The following ANKRD40 variants were observed in gnomAD, a reference collection of about 807,000 sequenced individuals.
The protein encoded by ANKRD40 is ankyrin repeat domain 40.
A neutral mutation model predicts 35.5 loss-of-function variants in ANKRD40; 24 were observed. The observed-to-expected ratio is 0.68, with a 90% CI of 0.49 to 0.95. The LOEUF is 0.95. ANKRD40 is among the 40% of genes least tolerant of loss of function. The pLI is 0.00. For missense variants in ANKRD40, 361 were observed against 436.0 expected (o/e 0.83, Z 1.53); for synonymous variants, 147 against 173.5 (o/e 0.85, Z 1.20).
At chr17:50,700,174 T>G (rs750596093) in intron 2 of ANKRD40, 4 of 302,826 alleles carry the variant, frequency 1.3e-5, no homozygotes, top group Non-Finnish European at 2.4e-5. Flanking sequence ...CCGGGAGCGG[T>G]GCCTCATGCC....
rs1263416667 is a variant in ANKRD40 at position 50,707,359 on chromosome 17, C to A, written c.134+162G>T. Among the ~76,000 whole-genome samples, 1 of 152,058 alleles carries A rather than the reference C, an allele frequency of 6.6e-6. No individual in the cohort carries two copies. The highest frequency in any genetic ancestry group is 2.1e-4 in the South Asian group (1 of 4,810). On this transcript the variant is annotated intron_variant, in intron 1 of 4. Transcript: ENST00000285243. This position sits in a 1 kb window ranked among gnomAD's most constrained non-coding sequence, Gnocchi z 4.8. ...AGGACGCGCTCCCGACCGCACGAGG[C>A]ATGGGGGCCAGGGCTGGCCTCAAGA...
At position 50,707,136 on chromosome 17, in the gene ANKRD40, A is replaced by G. The variant is rs577170138; in HGVS notation, c.134+385T>C. Among the ~76,000 whole-genome samples the G allele has an allele frequency of 6.6e-6, 1 of 152,254 alleles. No individual in the cohort carries two copies. The highest frequency in any genetic ancestry group is 2.4e-5 in the African/African-American group (1 of 41,554). ...CAGTTGCTTATGCTTTTAGCTCTGC[A>G]AGATGCGTTCTCCAGAAGCACCTAC... On this transcript the variant is annotated intron_variant, in intron 1 of 4. Transcript: ENST00000285243. This position sits in a 1 kb window ranked among gnomAD's most constrained non-coding sequence, Gnocchi z 4.8.
chr17:50,706,903 CAAAAAAAAA>C (rs35024672), intron 1 of ANKRD40, among the ~76,000 whole-genome samples: 101 of 37,984 alleles, frequency 2.7e-3, no homozygotes, highest in Middle Eastern at 0.029. Context: ...GACCCTGTCT[CAAAAAAAAA>C]AAAAAAAAAA....
At position 50,699,711 on chromosome 17, in the gene ANKRD40, G is replaced by C. The variant is rs755882699; in HGVS notation, c.466C>G (p.Pro156Ala). The C allele has an allele frequency of 3.1e-6, 5 of 1,613,716 alleles. No homozygotes were observed. The East Asian group carries it at 8.9e-5, about 29-fold the overall frequency. Residue 156 changes from proline to alanine, a missense_variant, in exon 3 of 5, where the codon CCT (proline) becomes GCT (alanine). By Grantham distance (27) the Pro-to-Ala change is conservative. This residue lies in a region of ANKRD40 where 172 missense variants were observed against 174.0 expected (regional missense o/e 0.99). Coordinates refer to ENST00000285243, the MANE Select transcript of ANKRD40 (RefSeq NM_052855.4). ...AGCAATGGAGGTGAGCCATCTGCAGGGGGTGATGCAGGGGGTGTGGAGGGG... is the reference window on the plus strand; with the variant it reads ...AGCAATGGAGGTGAGCCATCTGCAGCGGGTGATGCAGGGGGTGTGGAGGGG... The part of the protein sequence containing the change: ...GGPSTPPASP[P>A]ADGSPPLLPP...
In ANKRD40 at chr17:50,707,508, G is replaced by A; in HGVS notation, c.134+13C>T. The A allele has an allele frequency of 1.2e-6, 2 of 1,602,718 alleles. No homozygotes were observed. The highest frequency in any genetic ancestry group is 1.7e-6 in the Non-Finnish European group (2 of 1,174,472). On this transcript the variant is annotated intron_variant, in intron 1 of 4. Coordinates refer to ENST00000285243, the MANE Select transcript of ANKRD40 (RefSeq NM_052855.4). This position sits in a 1 kb window ranked among gnomAD's most constrained non-coding sequence, Gnocchi z 4.8. Reference sequence around the variant, plus strand: ...GCTGCCCTGACCCTAGGCCTCCCCCGCTCCCCACTTACCAGCCGTTGACCT... The same window carrying A: ...GCTGCCCTGACCCTAGGCCTCCCCCACTCCCCACTTACCAGCCGTTGACCT...
intron 1 of ANKRD40, 200 bp from the exon 2 acceptor site, chr17:50,700,916 G>T: frequency 2.1e-6 from 1 of 483,222 alleles, no homozygotes; most frequent in Non-Finnish European, 3.6e-6. Context: ...TTTCATTTCT[G>T]GCTCCTGAGA....
chr17:50,706,322 A>G (rs990623017), intron 1 of ANKRD40, among the ~76,000 whole-genome samples: 13 of 151,362 alleles, frequency 8.6e-5, no homozygotes, highest in African/African-American at 3.2e-4. Flanking sequence ...GGGTTTCATC[A>G]TGTTGGCCAG....
Position 50,696,051 on chromosome 17 carries a change from G to T in ANKRD40, c.1053C>A (p.Ser351=). ...ENNFLFRNAA[S]TLTERPCYNR... ...TATAGCAAGGCCTTTCAGTCAGTGT[G>T]GATGCAGCATTTCTGAACAGAAAAT... is the stretch of plus-strand genomic sequence containing the variant. Residue 351 remains serine (S), a synonymous_variant, in exon 5 of 5, where the codon TCC becomes TCA. Coordinates refer to ENST00000285243, the MANE Select transcript of ANKRD40 (RefSeq NM_052855.4). 1 of 1,614,160 alleles carries T rather than the reference G, an allele frequency of 6.2e-7. No homozygotes were observed. Among genetic ancestry groups the T allele is most frequent in the Non-Finnish European group, 8.5e-7 (1 of 1,180,014 alleles).
Position 50,705,420 on chromosome 17 carries a change from T to TAAA in ANKRD40, c.134+2098_134+2100dup, listed in dbSNP as rs11459587. On this transcript the variant is annotated intron_variant, in intron 1 of 4. Coordinates refer to ENST00000285243, the MANE Select transcript of ANKRD40 (RefSeq NM_052855.4). ...ACAACAGCAAGTTTGCAAAGACCTGTAAAAAAAAAAAAAAACAGAACAAAA... is the reference window on the plus strand; with the variant it reads ...ACAACAGCAAGTTTGCAAAGACCTGTAAAAAAAAAAAAAAAAAACAGAACAAAA... Among the ~76,000 whole-genome samples the TAAA allele has an allele frequency of 5.5e-4, 78 of 141,546 alleles. 1 individual carries two copies. The highest frequency in any genetic ancestry group is 7.8e-4 in the Admixed American group (11 of 14,020). The allele number at this position is 141,546 out of a possible 152,430, so 92.9% of individuals were successfully genotyped here. A position where few individuals can be genotyped will look rare whatever the true frequency, so the allele number is the denominator to read the frequency against.
rs185565763 is a variant in ANKRD40 at position 50,699,507 on chromosome 17, G to C, written c.670C>G (p.Pro224Ala). The C allele has an allele frequency of 1.9e-6, 3 of 1,614,204 alleles. No homozygotes were observed. The East Asian group carries it at 6.7e-5, about 36-fold the overall frequency. Residue 224 changes from proline to alanine, a missense_variant, in exon 3 of 5, where the codon CCG (proline) becomes GCG (alanine). Pro to Ala is a conservative substitution (Grantham distance 27, BLOSUM62 -1). Around this residue, in one of 5 missense-constraint regions of ANKRD40, gnomAD observed 172 missense variants for 174.0 expected, o/e 0.99. Coordinates refer to ENST00000285243, the MANE Select transcript of ANKRD40 (RefSeq NM_052855.4). ...TCCAGAGACATTGGTGGCTTGGACG[G>C]GACAGAAGAAAACAGGGAGCGGCTC... Reference protein sequence around the residue: ...SQSRSLFSSVPSKPPMSLEPQ... With the variant: ...SQSRSLFSSVASKPPMSLEPQ...
chr17:50,703,547 G>A (rs1470680049), intron 1 of ANKRD40, among the ~76,000 whole-genome samples: 2 of 152,180 alleles, frequency 1.3e-5, no homozygotes, highest in African/African-American at 4.8e-5. Context: ...AAAATCTGAA[G>A]GTGGTGAGGA....
intron 3 of ANKRD40, among the ~76,000 whole-genome samples, chr17:50,698,693 G>C (rs1349747032): frequency 6.6e-6 from 1 of 152,148 alleles, no homozygotes; most frequent in Admixed American, 6.5e-5. Context: ...TACTATTTCT[G>C]TAATAGTACA....
chr17:50,700,194 A>G (rs1160671807), intron 2 of ANKRD40: 2 of 286,512 alleles, frequency 7.0e-6, no homozygotes, highest in Non-Finnish European at 6.4e-6. Context: ...CTGTAATCCC[A>G]GCACTTTGGG....
Position 50,695,826 on chromosome 17 carries a change from C to T in ANKRD40, c.*171G>A. ...ACCAAGAGGCTTGGAAGAGTGGCACCACTGCTTGGGGGTCAGGGGCTTCCT... is the reference window on the plus strand; with the variant it reads ...ACCAAGAGGCTTGGAAGAGTGGCACTACTGCTTGGGGGTCAGGGGCTTCCT... On this transcript the variant is annotated 3_prime_UTR_variant, in exon 5 of 5. Coordinates refer to ENST00000285243, the MANE Select transcript of ANKRD40 (RefSeq NM_052855.4). The T allele has an allele frequency of 1.5e-6, 1 of 658,288 alleles. No homozygotes were observed. Among genetic ancestry groups the T allele is most frequent in the Non-Finnish European group, 2.4e-6 (1 of 409,792 alleles). 40.8% of individuals were successfully genotyped at this position (658,288 alleles called of 1,614,324 possible).
At chr17:50,699,186 T>A (rs969325692) in intron 3 of ANKRD40, among the ~76,000 whole-genome samples, 8 of 151,904 alleles carry the variant, frequency 5.3e-5, no homozygotes, top group Non-Finnish European at 1.5e-5. Flanking sequence ...ATATCCTTGT[T>A]CTTAGGAAAG....
Position 50,699,481 on chromosome 17 carries a change from C to T in ANKRD40, c.696G>A (p.Glu232=). 6.2e-7 allele frequency: 1 copy of T among 1,614,210 alleles called. No individual in the cohort carries two copies. The highest frequency in any genetic ancestry group is 8.5e-7 in the Non-Finnish European group (1 of 1,180,042). The change falls in exon 3 of 5, where the codon GAG becomes GAA. Residue 232 remains glutamate, a synonymous_variant. Transcript: ENST00000285243. ...GTCCTGCATACGTCCCATTTTGAGG[C>T]TCCAGAGACATTGGTGGCTTGGACG... ...SVPSKPPMSL[E]PQNGTYAGPA...
rs1968192088 is a variant in ANKRD40 at position 50,695,701 on chromosome 17, C to T, written c.*296G>A. 1 of 253,484 alleles carries T rather than the reference C, an allele frequency of 3.9e-6. No individual in the cohort carries two copies. Among genetic ancestry groups the T allele is most frequent in the African/African-American group, 2.2e-5 (1 of 45,174 alleles). The allele number at this position is 253,484 out of a possible 1,614,324, so 15.7% of individuals were successfully genotyped here. A position where few individuals can be genotyped will look rare whatever the true frequency, so the allele number is the denominator to read the frequency against. On this transcript the variant is annotated 3_prime_UTR_variant, in exon 5 of 5. Transcript: ENST00000285243. ...AGCTGCTGCTTAGACAACTCTCTTACATTCTGGACATAAAACACACTGGAT... is the reference window on the plus strand; with the variant it reads ...AGCTGCTGCTTAGACAACTCTCTTATATTCTGGACATAAAACACACTGGAT...
At chr17:50,700,280 C>T in intron 2 of ANKRD40, 1 of 286,460 alleles carries the variant, frequency 3.5e-6, no homozygotes, top group Non-Finnish European at 6.5e-6. Context: ...CCCGTCTCTA[C>T]TAAAAATACA....
Position 50,694,943 on chromosome 17 carries a change from C to T in ANKRD40, c.*1054G>A, listed in dbSNP as rs1968179287. The T allele has an allele frequency of 6.6e-6, 1 of 152,082 alleles. No homozygotes were observed. The highest frequency in any genetic ancestry group is 2.1e-4 in the South Asian group (1 of 4,826). 9.4% of individuals were successfully genotyped at this position (152,082 alleles called of 1,614,324 possible). A position where few individuals can be genotyped will look rare whatever the true frequency, so the allele number is the denominator to read the frequency against. Reference sequence around the variant, plus strand: ...TTTCCCACAATAACCTTTAAAATAGCAACAGATTCAGTCTCAAAAATTGCT... The same window carrying T: ...TTTCCCACAATAACCTTTAAAATAGTAACAGATTCAGTCTCAAAAATTGCT... On this transcript the variant is annotated 3_prime_UTR_variant, in exon 5 of 5. Coordinates refer to ENST00000285243, the MANE Select transcript of ANKRD40 (RefSeq NM_052855.4).
Sources: allele counts gnomAD v4.1 joint callset (sites outside exome capture counted in the v4.1 genomes callset), GRCh38; gene constraint gnomAD v4.1.1; regional missense constraint gnomAD v4.1.1; non-coding constraint Gnocchi (gnomAD v3.1); transcripts MANE v1.5; gene names NCBI Gene and HGNC (gene_info 2026-07-23, HGNC 2026-07-21).